The following TMEM132C variants were observed in gnomAD, a reference collection of about 807,000 sequenced individuals.
TMEM132C encodes the protein transmembrane protein 132C.
A neutral mutation model predicts 61.4 loss-of-function variants in TMEM132C; 29 were observed. The observed-to-expected ratio is 0.47, with a 90% confidence interval of 0.35 to 0.64. TMEM132C has a LOEUF of 0.64. Among genes scored for constraint, TMEM132C ranks in the 30% least tolerant of loss-of-function variants. TMEM132C has a pLI of 0.00. For missense variants in TMEM132C, 1,408 were observed against 1,476.9 expected, an observed-to-expected ratio of 0.95 and a Z score of 0.76; for synonymous variants, 656 against 633.1, an observed-to-expected ratio of 1.04 and a Z score of -0.54.
intron 3 of TMEM132C, among the ~76,000 whole-genome samples, chr12:128,593,310 C>T (rs1438422813): frequency 6.6e-6 from 1 of 151,104 alleles, no homozygotes; most frequent in African/African-American, 2.5e-5. Context: ...TCTCTCTCTC[C>T]TCCCTCTTCC....
chr12:128,280,541 G>A (rs1001590454), intron 1 of TMEM132C, among the ~76,000 whole-genome samples: 5 of 152,128 alleles, frequency 3.3e-5, no homozygotes, highest in African/African-American at 9.7e-5. Flanking sequence ...ACTTAATAGC[G>A]TAATCACTAG....
intron 3 of TMEM132C, among the ~76,000 whole-genome samples, chr12:128,612,900 T>C (rs1349876595): frequency 6.6e-6 from 1 of 152,186 alleles, no homozygotes; most frequent in African/African-American, 2.4e-5. Context: ...TCCTGGAGCA[T>C]GAGAAGTTGT....
At chr12:128,340,942 C>CTTTCTT (rs1555218759) in intron 1 of TMEM132C, among the ~76,000 whole-genome samples, 1 of 92,326 alleles carries the variant, frequency 1.1e-5, no homozygotes, top group Admixed American at 9.9e-5. Flanking sequence ...CTCTCTCTCT[C>CTTTCTT]TCTTTCTTTC....
intron 3 of TMEM132C, among the ~76,000 whole-genome samples, chr12:128,568,309 G>A (rs1874768351): frequency 6.6e-6 from 1 of 152,120 alleles, no homozygotes; most frequent in East Asian, 1.9e-4. Context: ...AAGAATCATA[G>A]ATTTTCATAG....
Position 128,705,092 on chromosome 12 carries a change from G to A in TMEM132C, c.2124G>A (p.Glu708=). ...AEEVLRTPKQ[E]AVFSTWLQFS... is the part of the protein sequence containing the mutation. ...TCTAACTGCCTGTGTCCCTGCAGGA[G>A]GCTGTATTCAGCACGTGGCTGCAGT... The change falls in exon 9 of 9, where the codon GAG becomes GAA. Residue 708 remains glutamate (E), a splice_region_variant and synonymous_variant. Coordinates refer to ENST00000435159, the MANE Select transcript of TMEM132C (RefSeq NM_001136103.3). The A allele has an allele frequency of 1.3e-6, 2 of 1,529,368 alleles. No homozygotes were observed. The highest frequency in any genetic ancestry group is 1.8e-6 in the Non-Finnish European group (2 of 1,131,384). The allele number at this position is 1,529,368 out of a possible 1,614,324, so 94.7% of individuals were successfully genotyped here. A position where few individuals can be genotyped will look rare whatever the true frequency, so the allele number is the denominator to read the frequency against.
rs1593142479 is a variant in TMEM132C, at chr12:128,669,508, T to C, written c.1397T>C (p.Met466Thr). 4 of 1,551,700 alleles carry C rather than the reference T, an allele frequency of 2.6e-6. No individual in the cohort carries two copies. The East Asian group carries it at 7.3e-5, about 28-fold the overall frequency. The change falls in exon 5 of 9, where the codon ATG (methionine) becomes ACG (threonine). Residue 466 changes from methionine (M) to threonine (T), a missense_variant. Physicochemically the swap from Met to Thr is moderately conservative, Grantham distance 81. Transcript: ENST00000435159. Reference sequence around the variant, plus strand: ...TCTGTGGAGGAGAACAGTGCCGTGATGGACATCTCAGAGTCGGTGGAGTGC... The same window carrying C: ...TCTGTGGAGGAGAACAGTGCCGTGACGGACATCTCAGAGTCGGTGGAGTGC... The part of the protein sequence containing the change: ...VVSVEENSAV[M>T]DISESVECKS...
intron 4 of TMEM132C, among the ~76,000 whole-genome samples, chr12:128,659,959 G>T (rs915280528): frequency 3.9e-5 from 6 of 152,194 alleles, no homozygotes; most frequent in Non-Finnish European, 8.8e-5. Context: ...TCATATCTCA[G>T]CTCCACCGCG....
intron 1 of TMEM132C, among the ~76,000 whole-genome samples, chr12:128,313,669 A>C (rs569000010): frequency 6.6e-6 from 1 of 152,276 alleles, no homozygotes; most frequent in Non-Finnish European, 1.5e-5. Context: ...AGCCCCTGGG[A>C]TGGTGGACGG....
intron 5 of TMEM132C, among the ~76,000 whole-genome samples, chr12:128,685,183 TA>T (rs1296044835): frequency 6.6e-6 from 1 of 151,860 alleles, no homozygotes; most frequent in African/African-American, 2.4e-5. Flanking sequence ...TAGAATAAGA[TA>T]AAAAGGTGAA....
chr12:128,530,645 A>G (rs921565366), intron 2 of TMEM132C, among the ~76,000 whole-genome samples: 5 of 152,226 alleles, frequency 3.3e-5, no homozygotes, highest in Admixed American at 3.3e-4. Flanking sequence ...AGGTTTCACC[A>G]TGCTGGTCAG....
At chr12:128,690,210 T>G (rs553036269) in intron 5 of TMEM132C, among the ~76,000 whole-genome samples, 13 of 152,126 alleles carry the variant, frequency 8.5e-5, no homozygotes, top group Admixed American at 3.3e-4. Context: ...GATATCAGAG[T>G]GAGTGGAGTT....
At chr12:128,623,491 T>A (rs565042566) in intron 4 of TMEM132C, among the ~76,000 whole-genome samples, 1 of 151,514 alleles carries the variant, frequency 6.6e-6, no homozygotes, top group Non-Finnish European at 1.5e-5. Context: ...AAAGCTATGT[T>A]CTAATTTTAA....
intron 4 of TMEM132C, among the ~76,000 whole-genome samples, chr12:128,631,278 A>G (rs1954063005): frequency 6.6e-6 from 1 of 152,234 alleles, no homozygotes; most frequent in African/African-American, 2.4e-5. Flanking sequence ...TTTTTATCTA[A>G]TTTTAATTAA....
At chr12:128,651,849 T>C (rs1244594894) in intron 4 of TMEM132C, among the ~76,000 whole-genome samples, 1 of 150,344 alleles carries the variant, frequency 6.7e-6, no homozygotes, top group Non-Finnish European at 1.5e-5. Context: ...GAAAACATGA[T>C]GGAGTGGAGG....
chr12:128,616,408 A>G (rs1346983046), intron 4 of TMEM132C, 73 bp downstream of exon 4: 7 of 1,400,868 alleles, frequency 5.0e-6, no homozygotes, highest in Admixed American at 5.0e-5. Context: ...CCTATCTGTC[A>G]TGGGATGTTT....
intron 3 of TMEM132C, among the ~76,000 whole-genome samples, chr12:128,546,968 G>A (rs1007462110): frequency 2.6e-5 from 4 of 152,176 alleles, no homozygotes; most frequent in African/African-American, 9.7e-5. Context: ...GAAATGCTGG[G>A]TTTGGACACC....
At chr12:128,293,168 A>T (rs1016125184) in intron 1 of TMEM132C, among the ~76,000 whole-genome samples, 3 of 152,126 alleles carry the variant, frequency 2.0e-5, no homozygotes, top group Admixed American at 6.5e-5. Context: ...ACTGGGTCCA[A>T]ACTCCCTCTG....
intron 2 of TMEM132C, among the ~76,000 whole-genome samples, chr12:128,460,120 A>G (rs775150893): frequency 1.3e-5 from 2 of 152,152 alleles, no homozygotes; most frequent in Non-Finnish European, 2.9e-5. Context: ...TCGTTGGGAG[A>G]TAGAATAACT....
intron 3 of TMEM132C, among the ~76,000 whole-genome samples, chr12:128,606,369 G>A (rs1023710822): frequency 7.2e-5 from 11 of 152,182 alleles, no homozygotes; most frequent in African/African-American, 1.7e-4. Flanking sequence ...AGGAGGGGCC[G>A]GGAAGAACTG....
Sources: allele counts gnomAD v4.1 joint callset (sites outside exome capture counted in the v4.1 genomes callset), GRCh38; gene constraint gnomAD v4.1.1; transcripts MANE v1.5; gene names NCBI Gene and HGNC (gene_info 2026-07-23, HGNC 2026-07-21).